The following TASP1 variants were observed in gnomAD, a reference collection of about 807,000 sequenced individuals.
TASP1 encodes the protein threonine aspartase 1.
Under a neutral mutation model 56.6 loss-of-function variants are expected in TASP1, and 16 were observed. The ratio of observed to expected loss-of-function variants is 0.28; its 90% CI spans 0.19 to 0.43. The LOEUF (loss-of-function observed/expected upper bound fraction) is 0.43. Among genes scored for constraint, TASP1 ranks in the 20% least tolerant of loss-of-function variants. The probability of loss-of-function intolerance (pLI) is 1.00; values close to 1 mark genes in which losing one functional copy is unlikely to be tolerated. For missense variants in TASP1, 393 were observed against 511.6 expected, an observed-to-expected ratio of 0.77 and a Z score of 2.24; for synonymous variants, 179 against 184.2, an observed-to-expected ratio of 0.97 and a Z score of 0.23.
At chr20:13,257,103 G>A in the TASP1 span, among the ~76,000 whole-genome samples, 5 of 152,202 alleles carry the variant, frequency 3.3e-5, no homozygotes, top group African/African-American at 4.8e-5. Context: ...GAGAAAGCTC[G>A]AGCCACAGGG....
the TASP1 span, among the ~76,000 whole-genome samples, chr20:13,253,902 C>A: frequency 6.6e-6 from 1 of 151,584 alleles, no homozygotes; most frequent in Non-Finnish European, 1.5e-5. Context: ...TTTATACACA[C>A]ACATAAAAAC....
chr20:13,499,134 AAAG>A (rs1403662252), intron 10 of TASP1, among the ~76,000 whole-genome samples: 1 of 152,236 alleles, frequency 6.6e-6, no homozygotes, highest in African/African-American at 2.4e-5. Context: ...TAAATATAAA[AAAG>A]AATGAAAATA....
intron 7 of TASP1, among the ~76,000 whole-genome samples, chr20:13,568,600 T>C (rs2046613985): frequency 6.6e-6 from 1 of 152,282 alleles, no homozygotes; most frequent in African/African-American, 2.4e-5. Flanking sequence ...AACATTTCAT[T>C]ATAAGAATAT....
At chr20:13,620,215 T>C (rs1357715739) in intron 4 of TASP1, among the ~76,000 whole-genome samples, 2 of 152,010 alleles carry the variant, frequency 1.3e-5, no homozygotes, top group African/African-American at 4.8e-5. Context: ...AAAAATGATA[T>C]GTCTGCATAA....
intron 4 of TASP1, among the ~76,000 whole-genome samples, chr20:13,612,408 A>G (rs2048376683): frequency 6.6e-6 from 1 of 151,982 alleles, no homozygotes; most frequent in African/African-American, 2.4e-5. Flanking sequence ...AGTATAGACA[A>G]CTTCATCTAC....
At chr20:13,532,128 T>C (rs1192697075) in intron 9 of TASP1, among the ~76,000 whole-genome samples, 2 of 152,110 alleles carry the variant, frequency 1.3e-5, no homozygotes, top group Admixed American at 1.3e-4. Flanking sequence ...CGGCTGGTCT[T>C]GAACTCCTGA....
the TASP1 span, among the ~76,000 whole-genome samples, chr20:13,176,933 T>C: frequency 6.6e-6 from 1 of 152,032 alleles, no homozygotes; most frequent in Non-Finnish European, 1.5e-5. Context: ...TAAGGAAAAC[T>C]ACAAAACAAT....
the TASP1 span, among the ~76,000 whole-genome samples, chr20:13,115,761 GATTCACTAA>G: frequency 2.6e-5 from 4 of 152,174 alleles, no homozygotes; most frequent in East Asian, 3.9e-4. Context: ...GGGCCGTAAC[GATTCACTAA>G]ATGCCCATCA....
the TASP1 span, among the ~76,000 whole-genome samples, chr20:13,200,516 G>T: frequency 6.6e-6 from 1 of 152,174 alleles, no homozygotes; most frequent in Non-Finnish European, 1.5e-5. Context: ...CTCTGAGGCT[G>T]AATACCAGTT....
chr20:13,220,358 C>T, the TASP1 span, among the ~76,000 whole-genome samples: 1 of 152,232 alleles, frequency 6.6e-6, no homozygotes, highest in Non-Finnish European at 1.5e-5. Context: ...ATCCCAGAGC[C>T]CTTCCATTCG....
At chr20:13,386,736 G>A (rs769370913), downstream of TASP1, among the ~76,000 whole-genome samples, 1 of 152,050 alleles carries the variant, frequency 6.6e-6, no homozygotes, top group Non-Finnish European at 1.5e-5. Flanking sequence ...CCTCATACCC[G>A]TAAACCAAAA....
intron 4 of TASP1, among the ~76,000 whole-genome samples, chr20:13,607,931 AC>A (rs999094777): frequency 3.3e-5 from 5 of 152,164 alleles, no homozygotes; most frequent in African/African-American, 7.2e-5. Flanking sequence ...CCAAGACTGT[AC>A]CACTGCGTAC....
chr20:13,599,533 G>C (rs1251931088), intron 4 of TASP1, among the ~76,000 whole-genome samples: 2 of 152,168 alleles, frequency 1.3e-5, no homozygotes, highest in Non-Finnish European at 2.9e-5. Flanking sequence ...GTCAGGCGGT[G>C]GGGGGCTGGG....
At chr20:13,169,100 ATAAT>A in the TASP1 span, 1 of 152,188 alleles carries the variant, frequency 6.6e-6, no homozygotes, top group East Asian at 1.9e-4. Flanking sequence ...TAATATGAAA[ATAAT>A]TGATGGTTTT....
At chr20:13,245,017 G>A in the TASP1 span, among the ~76,000 whole-genome samples, 1 of 152,168 alleles carries the variant, frequency 6.6e-6, no homozygotes, top group Non-Finnish European at 1.5e-5. Flanking sequence ...AAGTCTAGAA[G>A]AAAGAACATG....
the TASP1 span, among the ~76,000 whole-genome samples, chr20:13,369,275 G>A: frequency 6.6e-6 from 1 of 152,084 alleles, no homozygotes; most frequent in Non-Finnish European, 1.5e-5. Flanking sequence ...GTGGAACCTC[G>A]TCTCTATCAA....
chr20:13,321,253 T>TAAAAAAAAAAAAAA, the TASP1 span, among the ~76,000 whole-genome samples: 18 of 57,514 alleles, frequency 3.1e-4, no homozygotes, highest in East Asian at 3.0e-3. Flanking sequence ...GTGCCCCACA[T>TAAAAAAAAAAAAAA]AAAAAAAAAA....
chr20:13,406,641 G>A (rs1292741143), intron 13 of TASP1, among the ~76,000 whole-genome samples: 1 of 150,178 alleles, frequency 6.7e-6, no homozygotes, highest in African/African-American at 2.4e-5. Context: ...AATTTTCCTT[G>A]GATATCTCAT....
At chr20:13,117,513 G>A in the TASP1 span, 1 of 1,588,220 alleles carries the variant, frequency 6.3e-7, no homozygotes, top group Non-Finnish European at 8.6e-7. Context: ...TAGCATGGAA[G>A]GTTCCATCGT....
Sources: gnomAD v4.1 joint callset for allele counts (sites outside exome capture counted in the v4.1 genomes callset) on GRCh38, gnomAD v4.1.1 for gene constraint, MANE v1.5 for transcripts, NCBI Gene and HGNC (gene_info 2026-07-23, HGNC 2026-07-21) for gene names.